TTLL5: variants seen among roughly 807,000 people sequenced by gnomAD.
The protein encoded by TTLL5 is tubulin polyglutamylase TTLL5.
Under a neutral mutation model 168.4 loss-of-function variants are expected in TTLL5, and 132 were observed. The ratio of observed to expected loss-of-function variants is 0.78; its 90% CI spans 0.68 to 0.91. The LOEUF is 0.91. Ranked by LOEUF, TTLL5 falls within the 40% of genes least tolerant of loss-of-function variation. The pLI is 0.00. For synonymous variants in TTLL5, 546 were observed against 558.6 expected (o/e 0.98, Z 0.32); for missense variants, 1,545 against 1,581.5 (o/e 0.98, Z 0.39).
At chr14:75,687,840 C>G (rs1385666789) in intron 5 of TTLL5, among the ~76,000 whole-genome samples, 2 of 152,096 alleles carry the variant, frequency 1.3e-5, no homozygotes, top group African/African-American at 4.8e-5. Context: ...AAAAGATGCT[C>G]AATAGCATTA....
chr14:75,788,837 A>T (rs78722584), intron 26 of TTLL5, among the ~76,000 whole-genome samples: 1,943 of 152,294 alleles, frequency 0.013, 31 homozygotes, highest in African/African-American at 0.032. Context: ...TATTAACACA[A>T]ATGCAAAAAT....
Position 75,669,914 on chromosome 14 carries a change from G to T in TTLL5, c.181+392G>T, listed in dbSNP as rs1883593271. Among the ~76,000 whole-genome samples, 5 of 151,850 alleles carry T rather than the reference G, an allele frequency of 3.3e-5. No homozygotes were observed. The South Asian group carries it at 1.0e-3, about 32-fold the overall frequency. The stretch of plus-strand genomic sequence containing the variant: ...AATACCCATTAAGCAGATATCCCCA[G>T]CCCCCATACCACCAGTCCCTGGCAA... On this transcript the variant is annotated intron_variant, in intron 3 of 31. Transcript: ENST00000298832.
chr14:75,664,563 G>C (rs1382954510), intron 2 of TTLL5, among the ~76,000 whole-genome samples: 2 of 152,102 alleles, frequency 1.3e-5, no homozygotes, highest in African/African-American at 4.8e-5. Context: ...TTTATGGTGG[G>C]CTTCTTGTAA....
chr14:75,690,866 A>G (rs1336097311), intron 6 of TTLL5, among the ~76,000 whole-genome samples: 1 of 151,826 alleles, frequency 6.6e-6, no homozygotes, highest in African/African-American at 2.4e-5. Context: ...AGGATCCTCC[A>G]CTCTTGGCTT....
intron 29 of TTLL5, among the ~76,000 whole-genome samples, chr14:75,872,741 C>G (rs1035973084): frequency 6.6e-6 from 1 of 151,856 alleles, no homozygotes; most frequent in Non-Finnish European, 1.5e-5. Flanking sequence ...GAAACCCCAT[C>G]TCTACTAAAA....
intron 28 of TTLL5, among the ~76,000 whole-genome samples, chr14:75,835,770 A>G (rs1895831630): frequency 6.6e-6 from 1 of 152,250 alleles, no homozygotes; most frequent in Admixed American, 6.5e-5. Flanking sequence ...GAAGGCATAT[A>G]AATGGCAAAC....
rs370899025 is a variant in TTLL5 at position 75,742,420 on chromosome 14, A to G, written c.1282-2675A>G. On this transcript the variant is annotated intron_variant, in intron 15 of 31. Coordinates refer to ENST00000298832, the MANE Select transcript of TTLL5 (RefSeq NM_015072.5). ...TTGTTTTGTTTTGTTTTTGAGACAG[A>G]GTTTTGCTCTTGTCACCCAGGCTGG... Among the ~76,000 whole-genome samples, 6 of 152,104 alleles carry G rather than the reference A, an allele frequency of 3.9e-5. No homozygotes were observed. In the East Asian group the frequency reaches 1.2e-3, roughly 29 times the overall value.
In TTLL5 at chr14:75,863,668, AG is replaced by A. The variant is rs759929075; in HGVS notation, c.3329del (p.Ser1110ThrfsTer13). ...ENHSSSPGSR[S>X]LQTGGFAWEG... ...AAACCTGCTTGCTTTTCTCTTCAGG[AG>A]CCTGCAGACAGGGGGATTTGCCTGG... On this transcript the variant is annotated frameshift_variant and splice_region_variant, in exon 29 of 32. Coordinates refer to ENST00000298832, the MANE Select transcript of TTLL5 (RefSeq NM_015072.5). LOFTEE classifies it high-confidence loss of function. 8.1e-6 allele frequency: 13 copies of A among 1,607,032 alleles called. No individual in the cohort carries two copies. Among genetic ancestry groups the A allele is most frequent in the Non-Finnish European group, 1.1e-5 (13 of 1,176,722 alleles).
At chr14:75,829,655 T>A (rs1347487748) in intron 28 of TTLL5, among the ~76,000 whole-genome samples, 1 of 151,862 alleles carries the variant, frequency 6.6e-6, no homozygotes, top group Non-Finnish European at 1.5e-5. Flanking sequence ...TACTAAAGAC[T>A]TGGGTGAAAA....
chr14:75,860,282 A>G (rs1303718357), intron 28 of TTLL5, among the ~76,000 whole-genome samples: 4 of 152,262 alleles, frequency 2.6e-5, no homozygotes, highest in Admixed American at 1.3e-4. Context: ...TCATCCCCAC[A>G]TAAAGGGGCC....
chr14:75,857,405 A>ATAGC (rs1180017140), intron 28 of TTLL5, among the ~76,000 whole-genome samples: 7 of 151,800 alleles, frequency 4.6e-5, no homozygotes, highest in African/African-American at 1.5e-4. Context: ...AGATAGATAG[A>ATAGC]TAGATAGATA....
At chr14:75,800,142 T>G (rs1340467040) in intron 27 of TTLL5, among the ~76,000 whole-genome samples, 2 of 152,216 alleles carry the variant, frequency 1.3e-5, no homozygotes, top group African/African-American at 2.4e-5. Flanking sequence ...CCCAAACTTC[T>G]TGGAGGCTTT....
At chr14:75,787,122 A>T (rs1892414369) in intron 26 of TTLL5, among the ~76,000 whole-genome samples, 1 of 152,108 alleles carries the variant, frequency 6.6e-6, no homozygotes, top group Non-Finnish European at 1.5e-5. Flanking sequence ...ACAGAGCAAG[A>T]CTCCATCTCA....
rs1566652758 is a variant in TTLL5 at position 75,902,075 on chromosome 14, A to G, written c.3741-67A>G. 26 of 1,402,388 alleles carry G rather than the reference A, an allele frequency of 1.9e-5. No homozygotes were observed. The South Asian group carries it at 2.7e-4, about 14-fold the overall frequency. 86.9% of individuals were successfully genotyped at this position (1,402,388 alleles called of 1,614,324 possible). A position where few individuals can be genotyped will look rare whatever the true frequency, so the allele number is the denominator to read the frequency against. On this transcript the variant is annotated intron_variant, in intron 30 of 31. Transcript: ENST00000298832. The stretch of plus-strand genomic sequence containing the variant: ...AGCACCAAGAGCAAGAAGCGAAGCC[A>G]TCAGAGGTCCTGCACCTGACCTCAC...
intron 28 of TTLL5, among the ~76,000 whole-genome samples, chr14:75,844,821 A>G (rs1328456647): frequency 6.6e-6 from 1 of 152,210 alleles, no homozygotes; most frequent in East Asian, 1.9e-4. Flanking sequence ...TCATAAGTGC[A>G]TGAATGATTC....
intron 7 of TTLL5, among the ~76,000 whole-genome samples, chr14:75,700,232 A>G (rs1028618825): frequency 6.6e-6 from 1 of 152,184 alleles, no homozygotes; most frequent in African/African-American, 2.4e-5. Context: ...GGTGATCATC[A>G]GGTGATGGTC....
At chr14:75,782,669 A>C (rs182099953) in intron 25 of TTLL5, 96 bp downstream of exon 25, 1 of 970,990 alleles carries the variant, frequency 1.0e-6, no homozygotes, top group Non-Finnish European at 1.5e-6. Flanking sequence ...TAAAGCATGG[A>C]ACATTACCCC....
At chr14:75,889,509 A>T (rs2140047208) in intron 30 of TTLL5, among the ~76,000 whole-genome samples, 1 of 152,250 alleles carries the variant, frequency 6.6e-6, no homozygotes, top group Admixed American at 6.5e-5. Flanking sequence ...TCATTCTCAG[A>T]CCACTTTACA....
intron 28 of TTLL5, among the ~76,000 whole-genome samples, chr14:75,834,194 A>G (rs1221030206): frequency 6.6e-6 from 1 of 152,164 alleles, no homozygotes; most frequent in Non-Finnish European, 1.5e-5. Flanking sequence ...CAGAGAGTGA[A>G]TTATTGGTTT....
Sources: gnomAD v4.1 joint callset for allele counts (sites outside exome capture counted in the v4.1 genomes callset) on GRCh38, gnomAD v4.1.1 for gene constraint, MANE v1.5 for transcripts, NCBI Gene and HGNC (gene_info 2026-07-23, HGNC 2026-07-21) for gene names.